Variants in CUBN observed in about 807,000 individuals in gnomAD.
The protein encoded by CUBN is cubilin.
Under a neutral mutation model 405.3 loss-of-function variants are expected in CUBN, and 282 were observed. The ratio of observed to expected loss-of-function variants is 0.70; its 90% CI spans 0.63 to 0.77. The LOEUF is 0.77. Among genes scored for constraint, CUBN ranks in the 30% least tolerant of loss-of-function variants. The pLI is 0.00. For missense variants in CUBN, 4,514 were observed against 4,475.2 expected (o/e 1.01, Z -0.25); for synonymous variants, 1,684 against 1,617.0 (o/e 1.04, Z -0.99).
In CUBN at chr10:17,072,101, T is replaced by TATGTAA. The variant is rs1164450658; in HGVS notation, c.2302-131_2302-130insTTACAT. 26 of 724,018 alleles carry TATGTAA rather than the reference T, an allele frequency of 3.6e-5. No individual in the cohort carries two copies. In the African/African-American group the frequency reaches 4.6e-4, roughly 13 times the overall value. 44.8% of individuals were successfully genotyped at this position (724,018 alleles called of 1,614,324 possible). On this transcript the variant is annotated intron_variant, in intron 17 of 66. Transcript: ENST00000377833. Reference sequence around the variant, plus strand: ...TAATCCAATTTGAGTTACATATTTCTATTATTTTCTAAAGCAGTAGGTCAT... The same window carrying TATGTAA: ...TAATCCAATTTGAGTTACATATTTCTATGTAAATTATTTTCTAAAGCAGTAGGTCAT...
At chr10:17,046,811 A>C (rs912781208) in intron 23 of CUBN, among the ~76,000 whole-genome samples, 2 of 152,196 alleles carry the variant, frequency 1.3e-5, no homozygotes, top group Non-Finnish European at 2.9e-5. Flanking sequence ...ATAGATGCCC[A>C]CCAGAATGAT....
chr10:17,011,216 G>A (rs901158725), intron 28 of CUBN, among the ~76,000 whole-genome samples: 2 of 152,178 alleles, frequency 1.3e-5, no homozygotes, highest in Non-Finnish European at 2.9e-5. Flanking sequence ...CTTCTGGTGG[G>A]TTCTTGGTCT....
intron 54 of CUBN, among the ~76,000 whole-genome samples, chr10:16,894,370 T>C (rs1328484619): frequency 6.6e-6 from 1 of 152,110 alleles, no homozygotes; most frequent in Non-Finnish European, 1.5e-5. Context: ...CTATTTTGAG[T>C]GAGGTTTTCT....
At chr10:16,910,322 T>C (rs140914142) in intron 48 of CUBN, among the ~76,000 whole-genome samples, 1 of 152,122 alleles carries the variant, frequency 6.6e-6, no homozygotes, top group Non-Finnish European at 1.5e-5. Context: ...CTCAATCAAA[T>C]AGAGTAGGGG....
intron 22 of CUBN, among the ~76,000 whole-genome samples, chr10:17,054,934 C>T (rs976107202): frequency 3.3e-5 from 5 of 151,988 alleles, no homozygotes; most frequent in Non-Finnish European, 7.4e-5. Flanking sequence ...AAGATATTTT[C>T]TAACTAACAA....
chr10:16,932,753 C>T (rs1193961799), intron 40 of CUBN, among the ~76,000 whole-genome samples: 1 of 152,034 alleles, frequency 6.6e-6, no homozygotes, highest in Non-Finnish European at 1.5e-5. Flanking sequence ...TTTTTTCAGC[C>T]AGAAACATAA....
At chr10:17,008,249 G>T (rs927260978) in intron 28 of CUBN, among the ~76,000 whole-genome samples, 10 of 150,418 alleles carry the variant, frequency 6.6e-5, no homozygotes, top group African/African-American at 2.4e-4. Context: ...GTGTGTGTGT[G>T]TGTGTGTGTG....
intron 31 of CUBN, among the ~76,000 whole-genome samples, chr10:16,977,017 C>CA (rs1833119358): frequency 6.6e-6 from 1 of 152,166 alleles, no homozygotes; most frequent in Admixed American, 6.5e-5. Flanking sequence ...AGTTGTATAG[C>CA]AAGTGTGCCA....
intron 58 of CUBN, among the ~76,000 whole-genome samples, chr10:16,873,338 T>C (rs1413227934): frequency 6.6e-6 from 1 of 152,046 alleles, no homozygotes; most frequent in Non-Finnish European, 1.5e-5. Context: ...GGGAAGAAAA[T>C]TGACCAGTGA....
At chr10:16,835,375 A>G (rs1209385991) in intron 63 of CUBN, among the ~76,000 whole-genome samples, 180 bp from the exon 64 acceptor site, 1 of 152,250 alleles carries the variant, frequency 6.6e-6, no homozygotes, top group African/African-American at 2.4e-5. Context: ...TTGCTCAAGC[A>G]GCACACACAG....
chr10:16,886,439 C>T (rs924906610), intron 56 of CUBN, among the ~76,000 whole-genome samples: 6 of 152,098 alleles, frequency 3.9e-5, no homozygotes. Flanking sequence ...GACAAATCTG[C>T]AGATAAATTG....
At chr10:16,868,692 G>T (rs1014810652) in intron 59 of CUBN, among the ~76,000 whole-genome samples, 1 of 152,010 alleles carries the variant, frequency 6.6e-6, no homozygotes, top group African/African-American at 2.4e-5. Flanking sequence ...GTTTGATGTG[G>T]ATAATTTATT....
intron 28 of CUBN, among the ~76,000 whole-genome samples, chr10:17,011,221 T>C (rs1371810465): frequency 6.6e-6 from 1 of 152,212 alleles, no homozygotes; most frequent in African/African-American, 2.4e-5. Flanking sequence ...GGTGGGTTCT[T>C]GGTCTCGCTG....
intron 19 of CUBN, among the ~76,000 whole-genome samples, chr10:17,070,075 C>T (rs79377964): frequency 0.019 from 2,873 of 152,166 alleles, 44 homozygotes; most frequent in East Asian, 0.066. Context: ...GGAAGGGGTC[C>T]AGCACCATAA....
At chr10:16,841,919 A>AC (rs1260661203) in intron 60 of CUBN, among the ~76,000 whole-genome samples, 2 of 151,250 alleles carry the variant, frequency 1.3e-5, no homozygotes, top group African/African-American at 4.9e-5. Context: ...TCAAAAAAAA[A>AC]AAAAAAAAAA....
intron 58 of CUBN, 147 bp downstream of exon 58, chr10:16,874,227 G>T: frequency 1.1e-6 from 1 of 874,808 alleles, no homozygotes; most frequent in Non-Finnish European, 1.8e-6. Flanking sequence ...TTCCCAGGTT[G>T]AACTGTCATC....
At chr10:16,927,787 T>C (rs1286196625) in intron 41 of CUBN, among the ~76,000 whole-genome samples, 1 of 152,248 alleles carries the variant, frequency 6.6e-6, no homozygotes, top group Non-Finnish European at 1.5e-5. Flanking sequence ...GAATAAATGA[T>C]GACGTTTTGC....
intron 27 of CUBN, among the ~76,000 whole-genome samples, chr10:17,024,743 C>A (rs1012964026): frequency 5.9e-5 from 9 of 152,060 alleles, no homozygotes; most frequent in Non-Finnish European, 1.3e-4. Flanking sequence ...TGGGCTCAAG[C>A]AATCTGCCCA....
At chr10:16,825,203 G>T in intron 66 of CUBN, 121 bp from the exon 67 acceptor site, 1 of 681,474 alleles carries the variant, frequency 1.5e-6, no homozygotes, top group Non-Finnish European at 2.6e-6. Flanking sequence ...TGGTGAACCT[G>T]CATATATTTC....
Sources: allele counts gnomAD v4.1 joint callset (sites outside exome capture counted in the v4.1 genomes callset), GRCh38; gene constraint gnomAD v4.1.1; transcripts MANE v1.5; gene names NCBI Gene and HGNC (gene_info 2026-07-23, HGNC 2026-07-21).